Variants in NEURL2 observed in about 807,000 individuals in gnomAD.
NEURL2 encodes the protein neuralized E3 ubiquitin protein ligase 2.
In NEURL2, 16 loss-of-function variants were observed where a neutral mutation model predicts 15.9. That is an observed-to-expected ratio of 1.01 (90% CI 0.68 to 1.53). The LOEUF (loss-of-function observed/expected upper bound fraction) is 1.53. Ranked by LOEUF, NEURL2 falls within the 40% of genes most tolerant of loss-of-function variation. The pLI is 0.00. For synonymous variants in NEURL2, 188 were observed against 178.3 expected (o/e 1.05, Z -0.43); for missense variants, 393 against 407.8 (o/e 0.96, Z 0.31).
rs139297354 is a variant in NEURL2 at position 45,888,683 on chromosome 20, G to A, written c.*75C>T. On this transcript the variant is annotated 3_prime_UTR_variant, in exon 2 of 2. Transcript: ENST00000372518. ...ATTTCTGGTCTTGGCTGGCAGCAAT[G>A]TGGCCAACTTCGGACCAGCCAGCCA... 3.0e-4 allele frequency: 437 copies of A among 1,456,392 alleles called. No homozygotes were observed. The African/African-American group carries it at 5.4e-3, about 18-fold the overall frequency. The allele number at this position is 1,456,392 out of a possible 1,614,324, so 90.2% of individuals were successfully genotyped here. A position where few individuals can be genotyped will look rare whatever the true frequency, so the allele number is the denominator to read the frequency against.
In NEURL2 at chr20:45,890,364, C is replaced by T; in HGVS notation, c.628G>A (p.Gly210Ser). 1 of 1,612,992 alleles carries T rather than the reference C, an allele frequency of 6.2e-7. No homozygotes were observed. Among genetic ancestry groups the T allele is most frequent in the Non-Finnish European group, 8.5e-7 (1 of 1,180,020 alleles). Residue 210 changes from glycine (G) to serine (S), a missense_variant, in exon 1 of 2, where the codon GGC becomes AGC. Physicochemically the swap from Gly to Ser is moderately conservative, Grantham distance 56. Transcript: ENST00000372518. ...GTADMHIIIN[G>S]EDMGPSARGL... ...CGGGCGCTCGGGCCCATGTCCTCGC[C>T]GTTGATGATGATGTGCATGTCGGCC...
rs556568251 is a variant in NEURL2 at position 45,889,577 on chromosome 20, A to AGCTTGCTT, written c.742+665_742+672dup. On this transcript the variant is annotated intron_variant, in intron 1 of 1. Coordinates refer to ENST00000372518, the MANE Select transcript of NEURL2 (RefSeq NM_080749.4). ...TTTGTTGCCCAGGCTTGAGCTAGCT[A>AGCTTGCTT]GCTTGCTTGCTTGCTTGCTTTCTCT... is the stretch of plus-strand genomic sequence containing the variant. Among the ~76,000 whole-genome samples, 12 of 150,310 alleles carry AGCTTGCTT rather than the reference A, an allele frequency of 8.0e-5. No homozygotes were observed. In the East Asian group the frequency reaches 2.4e-3, roughly 30 times the overall value.
intron 1 of NEURL2, 103 bp downstream of exon 1, chr20:45,890,147 A>G (rs539002939): frequency 2.6e-4 from 332 of 1,293,682 alleles, no homozygotes; most frequent in Admixed American, 7.6e-4. Context: ...CCACTCTTAA[A>G]CTAGTGCCGG....
At position 45,890,901 on chromosome 20, in the gene NEURL2, C is replaced by T. The variant is rs1191739297; in HGVS notation, c.91G>A (p.Gly31Ser). The change falls in exon 1 of 2, where the codon GGT becomes AGT. Residue 31 changes from glycine (G) to serine (S), a missense_variant. Coordinates refer to ENST00000372518, the MANE Select transcript of NEURL2 (RefSeq NM_080749.4). ...GAGGGGTCCACGCGGATGTTGGCAC[C>T]GTGCACCCGATGGAAGCGGGTGGGA... ...PPPTRFHRVH[G>S]ANIRVDPSGT... 5 of 1,558,926 alleles carry T rather than the reference C, an allele frequency of 3.2e-6. No homozygotes were observed. The highest frequency in any genetic ancestry group is 4.3e-6 in the Non-Finnish European group (5 of 1,150,982).
chr20:45,891,075 A>T lies in NEURL2; in HGVS notation c.-84T>A, dbSNP rs897507286. On this transcript the variant is annotated 5_prime_UTR_variant, in exon 1 of 2. Coordinates refer to ENST00000372518, the MANE Select transcript of NEURL2 (RefSeq NM_080749.4). This position sits in a 1 kb window ranked among gnomAD's most constrained non-coding sequence, Gnocchi z 4.6. ...ATGGTGACCGCAAGGCGACCTTGTA[A>T]GGCATTTCCCCCCTGACTCCCTTCC... 2 of 1,357,362 alleles carry T rather than the reference A, an allele frequency of 1.5e-6. No homozygotes were observed. Among genetic ancestry groups the T allele is most frequent in the Non-Finnish European group, 2.0e-6 (2 of 1,020,758 alleles). 84.1% of individuals were successfully genotyped at this position (1,357,362 alleles called of 1,614,324 possible). A position where few individuals can be genotyped will look rare whatever the true frequency, so the allele number is the denominator to read the frequency against.
At position 45,890,707 on chromosome 20, in the gene NEURL2, G is replaced by A; in HGVS notation, c.285C>T (p.Pro95=). ...GATCGGGCAGAGAAAACTCGGGAACGGGGGCCAGACTGGCGGGGTCCAGCG... is the reference window on the plus strand; with the variant it reads ...GATCGGGCAGAGAAAACTCGGGAACAGGGGCCAGACTGGCGGGGTCCAGCG... ...LTALDPASLA[P]VPEFSLPDLV... is the part of the protein sequence containing the mutation. The change falls in exon 1 of 2, where the codon CCC becomes CCT. Residue 95 remains proline, a synonymous_variant. Transcript: ENST00000372518. The A allele has an allele frequency of 1.2e-6, 2 of 1,613,732 alleles. No individual in the cohort carries two copies. Among genetic ancestry groups the A allele is most frequent in the Non-Finnish European group, 1.7e-6 (2 of 1,179,898 alleles).
At chr20:45,890,172 A>C (rs1986683567) in intron 1 of NEURL2, 78 bp downstream of exon 1, 1 of 1,525,346 alleles carries the variant, frequency 6.6e-7, no homozygotes, top group Non-Finnish European at 9.1e-7. Context: ...ACGAAGGCCT[A>C]GCACATGGGC....
Position 45,891,202 on chromosome 20 carries a change from G to T in NEURL2, c.-211C>A, listed in dbSNP as rs1033671884. 2 of 1,106,016 alleles carry T rather than the reference G, an allele frequency of 1.8e-6. No homozygotes were observed. The highest frequency in any genetic ancestry group is 1.5e-5 in the African/African-American group (1 of 64,574). 68.5% of individuals were successfully genotyped at this position (1,106,016 alleles called of 1,614,324 possible). ...ATCTGATCGCGTGCGCCCGGGCTAC[G>T]ATCTGCGAGGCCCGCGGACCTTGAC... is the stretch of plus-strand genomic sequence containing the variant. On this transcript the variant is annotated 5_prime_UTR_variant, in exon 1 of 2. Transcript: ENST00000372518. This position sits in a 1 kb window ranked among gnomAD's most constrained non-coding sequence, Gnocchi z 4.6.
chr20:45,890,849 C>T lies in NEURL2; in HGVS notation c.143G>A (p.Ser48Asn), dbSNP rs1176182997. 1 of 1,569,834 alleles carries T rather than the reference C, an allele frequency of 6.4e-7. No individual in the cohort carries two copies. Among genetic ancestry groups the T allele is most frequent in the Non-Finnish European group, 8.6e-7 (1 of 1,157,364 alleles). Reference sequence around the variant, plus strand: ...GCTGAAGCACACGCCGTGGGCGAAGCTCTCCACGCGTGTGGCCCGCGTCCC... The same window carrying T: ...GCTGAAGCACACGCCGTGGGCGAAGTTCTCCACGCGTGTGGCCCGCGTCCC... The part of the protein sequence containing the change: ...PSGTRATRVE[S>N]FAHGVCFSRE... The change falls in exon 1 of 2, where the codon AGC becomes AAC. Residue 48 changes from serine to asparagine, a missense_variant. Ser to Asn is a conservative substitution (Grantham distance 46, BLOSUM62 1). Coordinates refer to ENST00000372518, the MANE Select transcript of NEURL2 (RefSeq NM_080749.4).
At position 45,891,050 on chromosome 20, in the gene NEURL2, A is replaced by G; in HGVS notation, c.-59T>C. On this transcript the variant is annotated 5_prime_UTR_variant, in exon 1 of 2. Transcript: ENST00000372518. The surrounding 1 kb of genome is among the most constrained non-coding windows in gnomAD (Gnocchi z 4.6). ...GGGCTATTTTGGGCGGCGGGCAATG[A>G]TGGTGACCGCAAGGCGACCTTGTAA... 3 of 1,431,148 alleles carry G rather than the reference A, an allele frequency of 2.1e-6. No individual in the cohort carries two copies. Among genetic ancestry groups the G allele is most frequent in the Non-Finnish European group, 2.8e-6 (3 of 1,086,072 alleles). The allele number at this position is 1,431,148 out of a possible 1,614,324, so 88.7% of individuals were successfully genotyped here.
In NEURL2 at chr20:45,888,644, A is replaced by G; in HGVS notation, c.*114T>C. On this transcript the variant is annotated 3_prime_UTR_variant, in exon 2 of 2. Coordinates refer to ENST00000372518, the MANE Select transcript of NEURL2 (RefSeq NM_080749.4). The stretch of plus-strand genomic sequence containing the variant: ...GAGACCTTCCAGTGATCAAGATGTC[A>G]GCATCGGCTGTTTATTTCTGGTCTT... The G allele has an allele frequency of 1.0e-6, 1 of 955,886 alleles. No homozygotes were observed. The highest frequency in any genetic ancestry group is 1.6e-6 in the Non-Finnish European group (1 of 627,534). The allele number at this position is 955,886 out of a possible 1,614,324, so 59.2% of individuals were successfully genotyped here. A position where few individuals can be genotyped will look rare whatever the true frequency, so the allele number is the denominator to read the frequency against.
rs1328544609 is a variant in NEURL2, at chr20:45,890,247, T to G, written c.742+3A>C. On this transcript the variant is annotated splice_donor_region_variant and intron_variant, in intron 1 of 1. Coordinates refer to ENST00000372518, the MANE Select transcript of NEURL2 (RefSeq NM_080749.4). ...GGAGGGGTCGCTGCCCAGGGATACC[T>G]ACAGCCATACTCGAGCTGGACAAGG... The G allele has an allele frequency of 6.2e-7, 1 of 1,613,868 alleles. No individual in the cohort carries two copies. The highest frequency in any genetic ancestry group is 1.7e-5 in the Admixed American group (1 of 60,028).
At position 45,890,509 on chromosome 20, in the gene NEURL2, G is replaced by A. The variant is rs765415639; in HGVS notation, c.483C>T (p.Gly161=). 6.3e-7 allele frequency: 1 copy of A among 1,599,334 alleles called. No homozygotes were observed. The highest frequency in any genetic ancestry group is 8.5e-7 in the Non-Finnish European group (1 of 1,172,180). Residue 161 remains glycine (G), a synonymous_variant, in exon 1 of 2, where the codon GGC becomes GGT. Coordinates refer to ENST00000372518, the MANE Select transcript of NEURL2 (RefSeq NM_080749.4). ...GGCTGTAGAGCCCTGGCCGGCTGCG[G>A]CCCACCAGGCGGTCCCGGGGAATGC... The part of the protein sequence containing the change: ...QFRIPRDRLV[G]RSRPGLYSHL...
In NEURL2 at chr20:45,890,201, T is replaced by C. The variant is rs557176087; in HGVS notation, c.742+49A>G. 3 of 1,610,780 alleles carry C rather than the reference T, an allele frequency of 1.9e-6. No individual in the cohort carries two copies. The South Asian group carries it at 3.3e-5, about 18-fold the overall frequency. On this transcript the variant is annotated intron_variant, in intron 1 of 1. Coordinates refer to ENST00000372518, the MANE Select transcript of NEURL2 (RefSeq NM_080749.4). ...CATGGGCTACGGAGCCCTAGTAGAT[T>C]CCAGTCCCCACACTGAGCCAGGAGG...
In NEURL2 at chr20:45,890,320, C is replaced by T. The variant is rs757328038; in HGVS notation, c.672G>A (p.Gln224=). Residue 224 remains glutamine, a synonymous_variant, in exon 1 of 2, where the codon CAG becomes CAA. Transcript: ENST00000372518. ...GPSARGLPAA[Q]PLYAVVDVFA... is the part of the protein sequence containing the mutation. ...ACACGTCCACCACCGCGTAGAGGGG[C>T]TGCGCAGCTGGCAGTCCCCGGGCGC... The T allele has an allele frequency of 6.8e-6, 11 of 1,613,216 alleles. No individual in the cohort carries two copies. The Admixed American group carries it at 1.3e-4, about 20-fold the overall frequency.
intron 1 of NEURL2, among the ~76,000 whole-genome samples, chr20:45,889,262 C>T (rs907650771): frequency 1.3e-5 from 2 of 152,162 alleles, no homozygotes; most frequent in South Asian, 4.1e-4. Context: ...ATGAATCATA[C>T]TCAGCATTAA....
Position 45,888,690 on chromosome 20 carries a change from A to G in NEURL2, c.*68T>C, listed in dbSNP as rs1601131827. 1.3e-6 allele frequency: 2 copies of G among 1,533,556 alleles called. No homozygotes were observed. Among genetic ancestry groups the G allele is most frequent in the South Asian group, 1.1e-5 (1 of 87,032 alleles). 95.0% of individuals were successfully genotyped at this position (1,533,556 alleles called of 1,614,324 possible). ...GTCTTGGCTGGCAGCAATGTGGCCAACTTCGGACCAGCCAGCCACAGGTCT... is the reference window on the plus strand; with the variant it reads ...GTCTTGGCTGGCAGCAATGTGGCCAGCTTCGGACCAGCCAGCCACAGGTCT... On this transcript the variant is annotated 3_prime_UTR_variant, in exon 2 of 2. Transcript: ENST00000372518.
At chr20:45,888,950 T>G in intron 1 of NEURL2, 77 bp from the exon 2 acceptor site, 1 of 1,556,740 alleles carries the variant, frequency 6.4e-7, no homozygotes, top group South Asian at 1.1e-5. Flanking sequence ...GTCTAGGTCA[T>G]GGTCCCCACT....
chr20:45,888,747 A>T lies in NEURL2; in HGVS notation c.*11T>A, dbSNP rs1265683519. The T allele has an allele frequency of 1.2e-6, 2 of 1,613,820 alleles. No homozygotes were observed. Among genetic ancestry groups the T allele is most frequent in the Admixed American group, 3.3e-5 (2 of 60,012 alleles). On this transcript the variant is annotated 3_prime_UTR_variant, in exon 2 of 2. Coordinates refer to ENST00000372518, the MANE Select transcript of NEURL2 (RefSeq NM_080749.4). ...CCAGGATGCAGCTGTGCTCTGGTGC[A>T]CTGTGGGTCTTCACTCATACTTGCA...
Sources: allele counts gnomAD v4.1 joint callset (sites outside exome capture counted in the v4.1 genomes callset), GRCh38; gene constraint gnomAD v4.1.1; non-coding constraint Gnocchi (gnomAD v3.1); transcripts MANE v1.5; gene names NCBI Gene and HGNC (gene_info 2026-07-23, HGNC 2026-07-21).